KIF4A: variants seen among roughly 807,000 people sequenced by gnomAD.
KIF4A encodes chromosome-associated kinesin KIF4A.
Under a neutral mutation model 105.9 loss-of-function variants are expected in KIF4A, and 7 were observed. The observed-to-expected ratio is 0.07, with a 90% CI of 0.04 to 0.12. The LOEUF (loss-of-function observed/expected upper bound fraction) is 0.12. Ranked by LOEUF, KIF4A falls within the 10% of genes least tolerant of loss-of-function variation. The pLI is 1.00. For synonymous variants in KIF4A, 281 were observed against 331.3 expected (o/e 0.85, Z 1.65); for missense variants, 558 against 929.2 (o/e 0.60, Z 5.19).
intron 15 of KIF4A, among the ~76,000 whole-genome samples, chrX:70,370,428 A>C (rs1215100921): frequency 9.3e-6 from 1 of 107,747 alleles, no homozygotes; most frequent in Non-Finnish European, 1.9e-5. Flanking sequence ...TCTATAAGTA[A>C]AAATATAGAA....
intron 7 of KIF4A, among the ~76,000 whole-genome samples, chrX:70,305,336 C>A (rs2085822728): frequency 9.0e-6 from 1 of 111,661 alleles, no homozygotes; most frequent in South Asian, 3.8e-4. Context: ...TTAGCATTCA[C>A]TCCTTATTTC....
In KIF4A at chrX:70,420,351, T is replaced by C; in HGVS notation, c.*86T>C. Reference sequence around the variant, plus strand: ...GAAGGGGTTTTTTAAATGACTTCTCTGGATTTCAGGTTTCTTGCTGTTGAA... The same window carrying C: ...GAAGGGGTTTTTTAAATGACTTCTCCGGATTTCAGGTTTCTTGCTGTTGAA... On this transcript the variant is annotated 3_prime_UTR_variant, in exon 31 of 31. Transcript: ENST00000374403. The C allele has an allele frequency of 9.3e-7, 1 of 1,071,583 alleles. No individual in the cohort carries two copies. The highest frequency in any genetic ancestry group is 2.4e-5 in the South Asian group (1 of 41,550). The allele number at this position is 1,071,583 out of a possible 1,213,427, so 88.3% of individuals were successfully genotyped here.
intron 4 of KIF4A, among the ~76,000 whole-genome samples, 159 bp downstream of exon 4, chrX:70,297,347 C>T (rs1429182801): frequency 8.9e-6 from 1 of 111,829 alleles, no homozygotes; most frequent in Non-Finnish European, 1.9e-5. Context: ...GGCTCCCACC[C>T]AGTTCTTTCC....
Position 70,380,660 on chromosome X carries a change from C to T in KIF4A, c.2034+4450C>T, listed in dbSNP as rs769510950. 8.1e-5 allele frequency among the ~76,000 whole-genome samples: 9 copies of T among 111,726 alleles called. No homozygotes were observed. In the East Asian group the frequency reaches 2.5e-3, roughly 31 times the overall value. On this transcript the variant is annotated intron_variant, in intron 18 of 30. Transcript: ENST00000374403. ...TCTTGCCATATCTATTCAACATTGT[C>T]CTGGAGGTTCTAACCAGGAAGTTTA...
Position 70,290,812 on chromosome X carries a change from C to T in KIF4A, c.235+7C>T. 9.2e-7 allele frequency: 1 copy of T among 1,090,753 alleles called. No individual in the cohort carries two copies. Among genetic ancestry groups the T allele is most frequent in the Non-Finnish European group, 1.3e-6 (1 of 785,686 alleles). The allele number at this position is 1,090,753 out of a possible 1,213,427, so 89.9% of individuals were successfully genotyped here. On this transcript the variant is annotated splice_region_variant and intron_variant, in intron 3 of 30. Transcript: ENST00000374403. ...ATAAAAGGTGTATTTAAAGGTAAGGCGATTTGATTCCTCGAACGTAACATA... is the reference window on the plus strand; with the variant it reads ...ATAAAAGGTGTATTTAAAGGTAAGGTGATTTGATTCCTCGAACGTAACATA...
chrX:70,387,305 C>T lies in KIF4A; in HGVS notation c.2232+8C>T. 9.0e-7 allele frequency: 1 copy of T among 1,116,196 alleles called. No individual in the cohort carries two copies. 92.0% of individuals were successfully genotyped at this position (1,116,196 alleles called of 1,213,427 possible). ...ACTGCAGCTCGAGTGAAGGTATGAA[C>T]AACTTGAACTGCCATTTCTCTTGTG... On this transcript the variant is annotated splice_region_variant and intron_variant, in intron 20 of 30. Coordinates refer to ENST00000374403, the MANE Select transcript of KIF4A (RefSeq NM_012310.5).
chrX:70,323,354 A>C (rs1206913403), intron 7 of KIF4A, among the ~76,000 whole-genome samples: 1 of 111,177 alleles, frequency 9.0e-6, no homozygotes, highest in Non-Finnish European at 1.9e-5. Flanking sequence ...CAGCAAGCCA[A>C]TCAAAGGCAA....
At chrX:70,339,177 G>A (rs186941239) in intron 10 of KIF4A, among the ~76,000 whole-genome samples, 6 of 110,585 alleles carry the variant, frequency 5.4e-5, no homozygotes, top group African/African-American at 1.6e-4. Context: ...TTGGCATTTG[G>A]TATTTATTCT....
rs2086290988 is a variant in KIF4A at position 70,403,969 on chromosome X, T to C, written c.2725T>C (p.Phe909Leu). 8.3e-7 allele frequency: 1 copy of C among 1,211,143 alleles called. No individual in the cohort carries two copies. The highest frequency in any genetic ancestry group is 1.7e-5 in the African/African-American group (1 of 57,634). The change falls in exon 24 of 31, where the codon TTT becomes CTT. Residue 909 changes from phenylalanine to leucine, a missense_variant. Transcript: ENST00000374403. Reference protein sequence around the residue: ...QKMLFEERNHFAEIETELQAE... With the variant: ...QKMLFEERNHLAEIETELQAE... ...GATGCTGTTTGAGGAACGAAATCAT[T>C]TTGCCGAGATAGAGACAGAGTTACA...
Position 70,404,735 on chromosome X carries a change from G to A in KIF4A, c.2811G>A (p.Gln937=). The A allele has an allele frequency of 8.3e-7, 1 of 1,207,106 alleles. No individual in the cohort carries two copies. The highest frequency in any genetic ancestry group is 1.1e-6 in the Non-Finnish European group (1 of 892,836). The change falls in exon 25 of 31, where the codon CAG becomes CAA. Residue 937 remains glutamine (Q), a synonymous_variant. Transcript: ENST00000374403. ...TCTAGGTGCTGTACCTTCTCAGCCA[G>A]CTGCAGCAAAGCCAAATGGCAGAGA... ...HQEKVLYLLS[Q]LQQSQMAEKQ... is the part of the protein sequence containing the mutation.
chrX:70,321,043 T>C (rs2085888024), intron 7 of KIF4A, among the ~76,000 whole-genome samples: 2 of 111,949 alleles, frequency 1.8e-5, no homozygotes, highest in South Asian at 3.8e-4. Context: ...CTCACGTAAA[T>C]AGAACTTTGA....
chrX:70,302,548 G>T (rs908398458), intron 7 of KIF4A, 150 bp downstream of exon 7: 1 of 536,845 alleles, frequency 1.9e-6, no homozygotes, highest in Middle Eastern at 3.6e-4. Context: ...GCGAAAAATT[G>T]TTTCTTTCCC....
Position 70,406,988 on chromosome X carries a change from G to GGATGGT in KIF4A, c.3179_3184dup (p.Gly1060_Asp1061dup). On this transcript the variant is annotated inframe_insertion, in exon 28 of 31. Coordinates refer to ENST00000374403, the MANE Select transcript of KIF4A (RefSeq NM_012310.5). ...CAGAGCATTCTGTGAATGAGCATGA[G>GGATGGT]GATGGTGATGGTGATGATGATGAGG... is the stretch of plus-strand genomic sequence containing the variant. The GGATGGT allele has an allele frequency of 8.3e-7, 1 of 1,211,138 alleles. No individual in the cohort carries two copies. The highest frequency in any genetic ancestry group is 1.1e-6 in the Non-Finnish European group (1 of 895,062).
intron 13 of KIF4A, among the ~76,000 whole-genome samples, chrX:70,347,659 T>C (rs190846812): frequency 1.8e-5 from 2 of 111,018 alleles, no homozygotes; most frequent in East Asian, 5.7e-4. Flanking sequence ...GTAACCATTA[T>C]AGATTTTTTT....
chrX:70,392,010 T>G (rs2086239226), intron 20 of KIF4A, among the ~76,000 whole-genome samples: 1 of 111,951 alleles, frequency 8.9e-6, no homozygotes, highest in South Asian at 3.7e-4. Flanking sequence ...TTGGATAAAC[T>G]CCATTTAATT....
Position 70,408,343 on chromosome X carries a change from G to C in KIF4A, c.3255+1268G>C, listed in dbSNP as rs761742109. Among the ~76,000 whole-genome samples the C allele has an allele frequency of 2.7e-5, 3 of 111,807 alleles. No homozygotes were observed. The South Asian group carries it at 1.1e-3, about 42-fold the overall frequency. On this transcript the variant is annotated intron_variant, in intron 28 of 30. Coordinates refer to ENST00000374403, the MANE Select transcript of KIF4A (RefSeq NM_012310.5). Reference sequence around the variant, plus strand: ...AGGAACAAAAAGAATTACAGAAAAAGCTAATAATTAAGATCAAACACACTA... The same window carrying C: ...AGGAACAAAAAGAATTACAGAAAAACCTAATAATTAAGATCAAACACACTA...
intron 11 of KIF4A, 128 bp from the exon 12 acceptor site, chrX:70,343,575 A>T (rs1381027466): frequency 1.8e-6 from 1 of 552,606 alleles, no homozygotes; most frequent in Non-Finnish European, 2.9e-6. Context: ...ACCAAAGCCC[A>T]CTAAATCCTC....
At chrX:70,400,171 C>A (rs1166046438) in intron 22 of KIF4A, among the ~76,000 whole-genome samples, 1 of 105,076 alleles carries the variant, frequency 9.5e-6, no homozygotes, top group Non-Finnish European at 2.0e-5. Context: ...ATCCCTCCCC[C>A]CTTCCCCCAC....
At position 70,403,817 on chromosome X, in the gene KIF4A, A is replaced by G. The variant is rs2086290507; in HGVS notation, c.2620-47A>G. 4 of 1,097,851 alleles carry G rather than the reference A, an allele frequency of 3.6e-6. No homozygotes were observed. In the African/African-American group the frequency reaches 7.3e-5, roughly 20 times the overall value. The allele number at this position is 1,097,851 out of a possible 1,213,427, so 90.5% of individuals were successfully genotyped here. ...TCCTGCCTGTTGAAAGGGGGAAAGAAAGGTGGTCATTCTTCAAATAAACTG... is the reference window on the plus strand; with the variant it reads ...TCCTGCCTGTTGAAAGGGGGAAAGAGAGGTGGTCATTCTTCAAATAAACTG... On this transcript the variant is annotated intron_variant, in intron 23 of 30. Transcript: ENST00000374403.
Sources: gnomAD v4.1 joint callset for allele counts (sites outside exome capture counted in the v4.1 genomes callset) on GRCh38, gnomAD v4.1.1 for gene constraint, MANE v1.5 for transcripts, NCBI Gene and HGNC (gene_info 2026-07-23, HGNC 2026-07-21) for gene names.